The following CADPS variants were observed in gnomAD, a reference collection of about 807,000 sequenced individuals.
CADPS encodes the protein calcium-dependent secretion activator 1.
A neutral mutation model predicts 167.3 loss-of-function variants in CADPS; 57 were observed. That is an observed-to-expected ratio of 0.34 (90% confidence interval 0.28 to 0.42). CADPS has a LOEUF of 0.42. Among genes scored for constraint, CADPS ranks in the 20% least tolerant of loss-of-function variants. The pLI is 1.00. For missense variants in CADPS, 1,414 were observed against 1,738.1 expected, an observed-to-expected ratio of 0.81 and a Z score of 3.32; for synonymous variants, 676 against 635.3, an observed-to-expected ratio of 1.06 and a Z score of -0.96.
intron 3 of CADPS, among the ~76,000 whole-genome samples, chr3:62,746,683 A>G (rs2081524746): frequency 6.6e-6 from 1 of 152,074 alleles, no homozygotes; most frequent in South Asian, 2.1e-4. Flanking sequence ...AATTTGATGC[A>G]CCAGAGACTC....
intron 1 of CADPS, among the ~76,000 whole-genome samples, chr3:62,845,355 T>C (rs2077245187): frequency 6.6e-6 from 1 of 152,192 alleles, no homozygotes; most frequent in South Asian, 2.1e-4. Flanking sequence ...TCACATAGAA[T>C]CTACCACTTA....
intron 9 of CADPS, among the ~76,000 whole-genome samples, chr3:62,561,976 T>C (rs2079242976): frequency 6.6e-6 from 1 of 152,218 alleles, no homozygotes; most frequent in Non-Finnish European, 1.5e-5. Flanking sequence ...TCGAGGACTA[T>C]AAACATGCAA....
intron 17 of CADPS, among the ~76,000 whole-genome samples, chr3:62,501,726 A>G (rs1174405031): frequency 3.3e-5 from 5 of 152,098 alleles, no homozygotes; most frequent in African/African-American, 1.2e-4. Context: ...TCATACCAAT[A>G]TTTTTATGCA....
At chr3:62,405,153 C>T (rs1343872148) in intron 28 of CADPS, among the ~76,000 whole-genome samples, 1 of 141,214 alleles carries the variant, frequency 7.1e-6, no homozygotes, top group Admixed American at 7.1e-5. Context: ...GGGGGGGGCT[C>T]AACAGATCTA....
rs567491404 is a variant in CADPS at position 62,753,709 on chromosome 3, G to T, written c.620C>A (p.Ser207Tyr). Residue 207 changes from serine to tyrosine, a missense_variant, in exon 3 of 30, where the codon TCC becomes TAC. This residue lies in a region of CADPS where 522 missense variants were observed against 559.5 expected (regional missense o/e 0.93). Coordinates refer to ENST00000383710, the MANE Select transcript of CADPS (RefSeq NM_003716.4). The surrounding 1 kb of genome is among the most constrained non-coding windows in gnomAD (Gnocchi z 4.6). The part of the protein sequence containing the change: ...VQSGGCSAND[S>Y]REVFKKHIEK... Reference sequence around the variant, plus strand: ...AATGTGCTTCTTGAAGACCTCCCGGGAGTCGTTGGCGGAACAGCCTCCACT... The same window carrying T: ...AATGTGCTTCTTGAAGACCTCCCGGTAGTCGTTGGCGGAACAGCCTCCACT... The T allele has an allele frequency of 1.9e-6, 3 of 1,614,146 alleles. No individual in the cohort carries two copies. In the East Asian group the frequency reaches 6.7e-5, roughly 36 times the overall value.
chr3:62,463,135 C>T (rs2059568125), intron 26 of CADPS, among the ~76,000 whole-genome samples: 1 of 152,154 alleles, frequency 6.6e-6, no homozygotes, highest in Admixed American at 6.5e-5. Flanking sequence ...TCAGTTTGAA[C>T]ACTTCTGCAT....
chr3:62,534,974 C>T (rs1447502925), intron 12 of CADPS, among the ~76,000 whole-genome samples: 1 of 151,956 alleles, frequency 6.6e-6, no homozygotes, highest in Non-Finnish European at 1.5e-5. Context: ...TTTATAAACT[C>T]TCCTTCACAG....
At chr3:62,459,531 T>C (rs2059085930) in intron 26 of CADPS, among the ~76,000 whole-genome samples, 1 of 152,230 alleles carries the variant, frequency 6.6e-6, no homozygotes, top group African/African-American at 2.4e-5. Context: ...TATCTTGGAA[T>C]ACTCTTTGTT....
intron 1 of CADPS, among the ~76,000 whole-genome samples, chr3:62,847,519 A>G (rs2077717720): frequency 1.3e-5 from 1 of 78,082 alleles, no homozygotes; most frequent in African/African-American, 5.2e-5. Context: ...ATGAGTGAGA[A>G]TATGCGGTGT....
At chr3:62,776,300 A>G (rs78352396) in intron 1 of CADPS, among the ~76,000 whole-genome samples, 2,076 of 152,332 alleles carry the variant, frequency 0.014, 24 homozygotes, top group East Asian at 0.068. Context: ...TTGGGCTTTA[A>G]TTCAAAGAAT....
chr3:62,627,130 T>TTGTGTGTGTGTGTGTGTG (rs10547515), intron 6 of CADPS, among the ~76,000 whole-genome samples: 2 of 148,354 alleles, frequency 1.3e-5, no homozygotes, highest in African/African-American at 5.0e-5. Context: ...TACTTTCCAG[T>TTGTGTGTGTGTGTGTGTG]TGTGTGTGTG....
chr3:62,713,823 A>T (rs1177682424), intron 3 of CADPS, among the ~76,000 whole-genome samples: 1 of 152,070 alleles, frequency 6.6e-6, no homozygotes, highest in Admixed American at 6.5e-5. Context: ...CTCTCCAGGG[A>T]CTTGGAATCT....
At chr3:62,776,377 G>A (rs932711517) in intron 1 of CADPS, among the ~76,000 whole-genome samples, 16 of 152,164 alleles carry the variant, frequency 1.1e-4, no homozygotes, top group African/African-American at 2.7e-4. Flanking sequence ...AGAATTGGCC[G>A]GGCACGGTGG....
At position 62,492,486 on chromosome 3, in the gene CADPS, T is replaced by G. The variant is rs754286861; in HGVS notation, c.2728-40A>C. 35 of 1,580,452 alleles carry G rather than the reference T, an allele frequency of 2.2e-5. 1 individual carries two copies. In the South Asian group the frequency reaches 3.7e-4, roughly 17 times the overall value. ...AGAAAAACAATAGACAAAGAAGTGA[T>G]GAGCTTCTTTCTCGGACATAAGACG... On this transcript the variant is annotated intron_variant, in intron 19 of 29. Coordinates refer to ENST00000383710, the MANE Select transcript of CADPS (RefSeq NM_003716.4).
chr3:62,731,952 G>A (rs1003329050), intron 3 of CADPS, among the ~76,000 whole-genome samples: 1 of 140,040 alleles, frequency 7.1e-6, no homozygotes, highest in Non-Finnish European at 1.6e-5. Flanking sequence ...AGCCATGTAA[G>A]CTGAAACATA....
At position 62,399,321 on chromosome 3, in the gene CADPS, A is replaced by G. The variant is rs1705038883; in HGVS notation, c.*85T>C. The G allele has an allele frequency of 2.2e-6, 3 of 1,337,868 alleles. No homozygotes were observed. The highest frequency in any genetic ancestry group is 1.9e-5 in the Admixed American group (1 of 51,522). 82.9% of individuals were successfully genotyped at this position (1,337,868 alleles called of 1,614,324 possible). ...ATCTCATGGGCATGGTAGTTGACAG[A>G]AAATTCCTAATGGGTTTAACTAACA... is the stretch of plus-strand genomic sequence containing the variant. On this transcript the variant is annotated 3_prime_UTR_variant, in exon 30 of 30. Transcript: ENST00000383710. This position sits in a 1 kb window ranked among gnomAD's most constrained non-coding sequence, Gnocchi z 5.6.
chr3:62,547,596 C>G (rs866401176), intron 11 of CADPS, among the ~76,000 whole-genome samples: 7 of 115,086 alleles, frequency 6.1e-5, no homozygotes, highest in South Asian at 3.5e-4. Context: ...GCCCCCCCCC[C>G]CCCGCAAATT....
intron 3 of CADPS, among the ~76,000 whole-genome samples, chr3:62,741,616 A>C (rs2152304904): frequency 6.6e-6 from 1 of 152,338 alleles, no homozygotes; most frequent in South Asian, 2.1e-4. Context: ...TATTGAAGGA[A>C]CATACCTCAA....
intron 4 of CADPS, among the ~76,000 whole-genome samples, chr3:62,658,784 T>C (rs1459144247): frequency 6.6e-6 from 1 of 152,142 alleles, no homozygotes; most frequent in Non-Finnish European, 1.5e-5. Context: ...CACCCCTTTT[T>C]CCATTGTAGA....
Sources: gnomAD v4.1 joint callset for allele counts (sites outside exome capture counted in the v4.1 genomes callset) on GRCh38, gnomAD v4.1.1 for gene constraint, gnomAD v4.1.1 regional missense constraint, Gnocchi (gnomAD v3.1) non-coding constraint, MANE v1.5 for transcripts, NCBI Gene and HGNC (gene_info 2026-07-23, HGNC 2026-07-21) for gene names.